NAMPT: variants seen among roughly 807,000 people sequenced by gnomAD.
The protein encoded by NAMPT is NAmPRTase.
In NAMPT, 7 loss-of-function variants were observed where a neutral mutation model predicts 58.7. The observed-to-expected ratio is 0.12, with a 90% CI of 0.07 to 0.22. The LOEUF is 0.22. Among genes scored for constraint, NAMPT ranks in the 10% least tolerant of loss-of-function variants. NAMPT has a pLI of 1.00. For missense variants in NAMPT, 271 were observed against 567.9 expected, an observed-to-expected ratio of 0.48 and a Z score of 5.31; for synonymous variants, 145 against 198.1, an observed-to-expected ratio of 0.73 and a Z score of 2.25.
At chr7:106,279,249 A>C (rs1792709906) in intron 1 of NAMPT, among the ~76,000 whole-genome samples, 1 of 152,246 alleles carries the variant, frequency 6.6e-6, no homozygotes, top group Non-Finnish European at 1.5e-5. Context: ...TTAGAAACGA[A>C]GTATGAACTC....
intron 1 of NAMPT, among the ~76,000 whole-genome samples, chr7:106,282,796 C>T (rs1275479186): frequency 6.6e-6 from 1 of 152,212 alleles, no homozygotes; most frequent in Non-Finnish European, 1.5e-5. Flanking sequence ...TTGCTCTCTT[C>T]ATCAACACAT....
intron 10 of NAMPT, 107 bp downstream of exon 10, chr7:106,252,910 T>C (rs2115719640): frequency 7.4e-7 from 1 of 1,354,506 alleles, no homozygotes; most frequent in East Asian, 2.4e-5. Context: ...TAATAAAATA[T>C]AATACTTTGT....
intron 6 of NAMPT, among the ~76,000 whole-genome samples, chr7:106,265,668 A>G (rs1792396366): frequency 6.6e-6 from 1 of 152,014 alleles, no homozygotes; most frequent in Non-Finnish European, 1.5e-5. Flanking sequence ...TGTTAGATAG[A>G]AAGTTGAATA....
At chr7:106,270,125 CTTGATTTCCCCT>C (rs1370483042) in intron 4 of NAMPT, 1 of 215,176 alleles carries the variant, frequency 4.6e-6, no homozygotes, top group Non-Finnish European at 1.1e-5. Flanking sequence ...AGAACAGTTC[CTTGATTTCCCCT>C]TTTTTCTTGG....
At chr7:106,252,334 C>T (rs1435459588) in intron 10 of NAMPT, among the ~76,000 whole-genome samples, 1 of 152,004 alleles carries the variant, frequency 6.6e-6, no homozygotes, top group African/African-American at 2.4e-5. Flanking sequence ...CATATTTTTT[C>T]ATTAACGGTA....
At chr7:106,267,859 AAAAAAAAAAAAAAAAAAC>A (rs1792451922) in intron 6 of NAMPT, among the ~76,000 whole-genome samples, 3 of 136,838 alleles carry the variant, frequency 2.2e-5, no homozygotes, top group Non-Finnish European at 3.3e-5. Context: ...AAAAAAAAAA[AAAAAAAAAAAAAAAAAAC>A]AACCTGATTT....
chr7:106,280,150 T>C (rs948554886), intron 1 of NAMPT, among the ~76,000 whole-genome samples: 58 of 152,274 alleles, frequency 3.8e-4, no homozygotes, highest in African/African-American at 1.1e-3. Flanking sequence ...GAATGGATTA[T>C]AGGGTGACCA....
Position 106,259,363 on chromosome 7 carries a change from A to G in NAMPT, c.1089+2225T>C, listed in dbSNP as rs568987321. 2.0e-5 allele frequency among the ~76,000 whole-genome samples: 3 copies of G among 152,318 alleles called. No homozygotes were observed. The East Asian group carries it at 5.8e-4, about 29-fold the overall frequency. ...AATGCTGACATTTTAACGTCCTCCCATGAAGCATGATGTTCTTAAATGGCA... is the reference window on the plus strand; with the variant it reads ...AATGCTGACATTTTAACGTCCTCCCGTGAAGCATGATGTTCTTAAATGGCA... On this transcript the variant is annotated intron_variant, in intron 8 of 10. Transcript: ENST00000222553.
At chr7:106,256,311 C>G (rs1476034504) in intron 8 of NAMPT, among the ~76,000 whole-genome samples, 1 of 152,184 alleles carries the variant, frequency 6.6e-6, no homozygotes, top group East Asian at 1.9e-4. Flanking sequence ...AAAGTGAAAA[C>G]TTAGAGCAGG....
At chr7:106,280,844 G>A (rs1792748768) in intron 1 of NAMPT, among the ~76,000 whole-genome samples, 1 of 151,914 alleles carries the variant, frequency 6.6e-6, no homozygotes, top group Non-Finnish European at 1.5e-5. Flanking sequence ...AGGAGACTGA[G>A]GCAAGAGAAT....
chr7:106,270,346 A>AT, intron 4 of NAMPT: 1 of 338,136 alleles, frequency 3.0e-6, no homozygotes, highest in Middle Eastern at 4.4e-4. Flanking sequence ...AACCAAAAAG[A>AT]TATTAACTAA....
intron 8 of NAMPT, among the ~76,000 whole-genome samples, chr7:106,258,711 TTAAAAA>T (rs1226784525): frequency 6.6e-6 from 1 of 152,234 alleles, no homozygotes; most frequent in Non-Finnish European, 1.5e-5. Context: ...GCATTATGTC[TTAAAAA>T]TACATACCTT....
At chr7:106,266,027 GCTC>G (rs1419456606) in intron 6 of NAMPT, among the ~76,000 whole-genome samples, 3 of 152,132 alleles carry the variant, frequency 2.0e-5, no homozygotes, top group Admixed American at 6.5e-5. Context: ...TAAAACTTTA[GCTC>G]CTCCTTTTGT....
intron 1 of NAMPT, among the ~76,000 whole-genome samples, chr7:106,279,799 A>G (rs1406382863): frequency 6.6e-6 from 1 of 152,250 alleles, no homozygotes; most frequent in African/African-American, 2.4e-5. Flanking sequence ...GATGCTATGA[A>G]AATGTAAGAG....
chr7:106,280,510 A>G (rs1331149089), intron 1 of NAMPT, among the ~76,000 whole-genome samples: 1 of 152,256 alleles, frequency 6.6e-6, no homozygotes, highest in East Asian at 1.9e-4. Flanking sequence ...TCTACAATAA[A>G]TACAAAATTA....
chr7:106,272,419 G>A, intron 4 of NAMPT, 111 bp downstream of exon 4: 1 of 967,234 alleles, frequency 1.0e-6, no homozygotes, highest in Admixed American at 3.2e-5. Context: ...GAAAGGTTAA[G>A]TAAATTATAG....
chr7:106,251,641 T>C (rs1222054627), intron 10 of NAMPT, among the ~76,000 whole-genome samples: 5 of 152,044 alleles, frequency 3.3e-5, no homozygotes, highest in Non-Finnish European at 7.4e-5. Context: ...TTTAAGAAAT[T>C]TGCTAGTGCT....
At position 106,268,446 on chromosome 7, in the gene NAMPT, A is replaced by G. The variant is rs1051565573; in HGVS notation, c.743+18T>C. ...GTGAAAAAATTAGTAGTTTTAAAAA[A>G]TGAACAGAATTTTTTACCTGTGTTC... On this transcript the variant is annotated intron_variant, in intron 6 of 10. Coordinates refer to ENST00000222553, the MANE Select transcript of NAMPT (RefSeq NM_005746.3). 2 of 1,589,982 alleles carry G rather than the reference A, an allele frequency of 1.3e-6. No homozygotes were observed. The highest frequency in any genetic ancestry group is 1.4e-5 in the African/African-American group (1 of 73,286).
chr7:106,270,230 C>T (rs1792506871), intron 4 of NAMPT: 5 of 370,678 alleles, frequency 1.3e-5, no homozygotes, highest in South Asian at 1.0e-4. Context: ...CTTCTTCATT[C>T]TAAGATCATA....
Sources: allele counts gnomAD v4.1 joint callset (sites outside exome capture counted in the v4.1 genomes callset), GRCh38; gene constraint gnomAD v4.1.1; transcripts MANE v1.5; gene names NCBI Gene and HGNC (gene_info 2026-07-23, HGNC 2026-07-21).